MBP: variants seen among roughly 807,000 people sequenced by gnomAD.
MBP encodes the protein myelin basic protein, also known as Golli-MBP.
MBP carries 16 observed loss-of-function variants against 35.8 expected under a neutral mutation model. The ratio of observed to expected loss-of-function variants is 0.45; its 90% confidence interval spans 0.30 to 0.68. The LOEUF is 0.68. MBP is among the 30% of genes least tolerant of loss of function. The pLI, the probability that MBP is intolerant of heterozygous loss-of-function variation, is 0.08. For missense variants in MBP, 380 were observed against 404.7 expected, an observed-to-expected ratio of 0.94 and a Z score of 0.52; for synonymous variants, 143 against 159.6, an observed-to-expected ratio of 0.90 and a Z score of 0.78.
chr18:77,087,344 A>G (rs913200294), intron 2 of MBP: 2 of 152,216 alleles, frequency 1.3e-5, no homozygotes, highest in Non-Finnish European at 2.9e-5. Flanking sequence ...TGATGACCTT[A>G]CCTTTAAAAG....
intron 4 of MBP, among the ~76,000 whole-genome samples, chr18:77,010,576 G>T (rs984899157): frequency 6.6e-6 from 1 of 152,210 alleles, no homozygotes; most frequent in Admixed American, 6.5e-5. Context: ...AATCACTTTA[G>T]CCAATTACTT....
chr18:76,986,798 A>G, intron 7 of MBP: 2 of 985,470 alleles, frequency 2.0e-6, no homozygotes, highest in Non-Finnish European at 1.2e-6. Context: ...AAAATAAAGC[A>G]TTTTTGAGAG....
At chr18:77,082,587 A>C (rs1479032959) in intron 2 of MBP, among the ~76,000 whole-genome samples, 2 of 152,084 alleles carry the variant, frequency 1.3e-5, no homozygotes, top group Non-Finnish European at 2.9e-5. Flanking sequence ...GGACATGTAC[A>C]CACCAGTGCG....
chr18:77,105,430 A>C (rs1976237145), intron 1 of MBP, 144 bp from the exon 2 acceptor site: 13 of 547,920 alleles, frequency 2.4e-5, no homozygotes, highest in South Asian at 2.4e-4. Context: ...AACAGAAGAG[A>C]CACGTCCAAG....
chr18:76,992,434 A>C (rs1969986437), intron 4 of MBP, among the ~76,000 whole-genome samples: 1 of 152,088 alleles, frequency 6.6e-6, no homozygotes, highest in African/African-American at 2.4e-5. Flanking sequence ...CTCGGTTTCT[A>C]ACAGGCCACA....
At chr18:77,043,267 C>T (rs1402315040) in intron 3 of MBP, among the ~76,000 whole-genome samples, 9 of 152,006 alleles carry the variant, frequency 5.9e-5, no homozygotes, top group Admixed American at 5.9e-4. Context: ...TTGCGTGAAC[C>T]TTGAATAAGT....
At chr18:77,055,694 A>G (rs896142864) in intron 3 of MBP, among the ~76,000 whole-genome samples, 10 of 152,054 alleles carry the variant, frequency 6.6e-5, no homozygotes, top group Non-Finnish European at 1.2e-4. Context: ...TGCTTTAAAT[A>G]AGGTGGTGTT....
intron 2 of MBP, among the ~76,000 whole-genome samples, chr18:77,091,682 A>G (rs1253980883): frequency 6.6e-6 from 1 of 151,604 alleles, no homozygotes; most frequent in Non-Finnish European, 1.5e-5. Context: ...ACACACATGT[A>G]TACACCCCCA....
intron 3 of MBP, among the ~76,000 whole-genome samples, chr18:77,054,725 T>C (rs1973655358): frequency 1.3e-5 from 2 of 152,266 alleles, no homozygotes; most frequent in Non-Finnish European, 1.5e-5. Flanking sequence ...CAAGTTCCAA[T>C]CCCTGTTAGC....
At position 77,054,739 on chromosome 18, in the gene MBP, G is replaced by A. The variant is rs370421200; in HGVS notation, c.139+11559C>T. ...TCAAGTTCCAATCCCTGTTAGCGGC[G>A]GGTGACACAACCATGCACACATCTC... On this transcript the variant is annotated intron_variant, in intron 3 of 8. Transcript: ENST00000355994. Among the ~76,000 whole-genome samples, 22 of 152,258 alleles carry A rather than the reference G, an allele frequency of 1.4e-4. No homozygotes were observed. In the East Asian group the frequency reaches 3.3e-3, roughly 23 times the overall value.
rs558062544 is a variant in MBP at position 77,089,767 on chromosome 18, T to TA, written c.51+15443dup. ...TTTCTTCTTGGTCTGACAGCAAAAATACAGCATAGGGAGTCTGGCTGGTGC... is the reference window on the plus strand; with the variant it reads ...TTTCTTCTTGGTCTGACAGCAAAAATAACAGCATAGGGAGTCTGGCTGGTGC... On this transcript the variant is annotated intron_variant, in intron 2 of 8. Transcript: ENST00000355994. Among the ~76,000 whole-genome samples the TA allele has an allele frequency of 5.6e-3, 858 of 152,320 alleles. 10 individuals are homozygous for TA. The highest frequency in any genetic ancestry group is 0.02 in the African/African-American group (823 of 41,572).
chr18:77,133,127 G>A (rs1364863202), upstream of MBP, among the ~76,000 whole-genome samples: 2 of 152,174 alleles, frequency 1.3e-5, no homozygotes, highest in African/African-American at 4.8e-5. Context: ...CGGGAGGGGT[G>A]CCAGGCCGCA....
chr18:77,096,038 C>G (rs549168182), intron 2 of MBP, among the ~76,000 whole-genome samples: 1 of 152,162 alleles, frequency 6.6e-6, no homozygotes. Flanking sequence ...ACAGAACTCA[C>G]TAAAGATGTT....
chr18:77,018,774 A>G (rs551516484), intron 3 of MBP, among the ~76,000 whole-genome samples: 1 of 147,408 alleles, frequency 6.8e-6, no homozygotes, highest in South Asian at 2.1e-4. Flanking sequence ...CCATCCATCC[A>G]TCCATCCACA....
Position 76,989,461 on chromosome 18 carries a change from C to A in MBP, c.681+495G>T, listed in dbSNP as rs532597694. ...TGCAGAAATTAGTTTCCACATACCC[C>A]GAACAGTTTCCCTTATTAGCAACAC... On this transcript the variant is annotated intron_variant, in intron 5 of 8. Coordinates refer to ENST00000355994, the MANE Select transcript of MBP (RefSeq NM_001025101.2). This position sits in a 1 kb window ranked among gnomAD's most constrained non-coding sequence, Gnocchi z 4.0. 6.6e-6 allele frequency among the ~76,000 whole-genome samples: 1 copy of A among 152,112 alleles called. No homozygotes were observed. Among genetic ancestry groups the A allele is most frequent in the Non-Finnish European group, 1.5e-5 (1 of 68,018 alleles).
chr18:77,112,169 G>GCACGCACACACACACACA (rs1555730802), intron 1 of MBP, among the ~76,000 whole-genome samples: 5 of 150,874 alleles, frequency 3.3e-5, no homozygotes, highest in Admixed American at 3.3e-4. Context: ...CCGTGCACAC[G>GCACGCACACACACACACA]CACACACACA....
intron 3 of MBP, among the ~76,000 whole-genome samples, chr18:77,027,042 G>A (rs546560855): frequency 2.6e-5 from 4 of 152,198 alleles, no homozygotes; most frequent in Admixed American, 6.5e-5. Context: ...CGCCACTGTT[G>A]GCTTATTTTA....
chr18:77,123,010 CTAAGCTTCCTAATAAAACTA>C (rs747598210), intron 1 of MBP, among the ~76,000 whole-genome samples: 12 of 152,330 alleles, frequency 7.9e-5, no homozygotes, highest in Non-Finnish European at 1.6e-4. Context: ...TTGGGAACTT[CTAAGCTTCCTAATAAAACTA>C]TAAGCACTTC....
chr18:77,056,147 C>T (rs945103195), intron 3 of MBP, among the ~76,000 whole-genome samples: 1 of 152,230 alleles, frequency 6.6e-6, no homozygotes, highest in Non-Finnish European at 1.5e-5. Flanking sequence ...GCGCCCGGGG[C>T]TGGGTCTGCA....
Sources: gnomAD v4.1 joint callset for allele counts (sites outside exome capture counted in the v4.1 genomes callset) on GRCh38, gnomAD v4.1.1 for gene constraint, Gnocchi (gnomAD v3.1) non-coding constraint, MANE v1.5 for transcripts, NCBI Gene and HGNC (gene_info 2026-07-23, HGNC 2026-07-21) for gene names.